SLCO3A1: variants seen among roughly 807,000 people sequenced by gnomAD.
SLCO3A1 encodes the protein PGE1 transporter.
Under a neutral mutation model 63.1 loss-of-function variants are expected in SLCO3A1, and 27 were observed. That is an observed-to-expected ratio of 0.43 (90% CI 0.32 to 0.59). The LOEUF (loss-of-function observed/expected upper bound fraction) is 0.59. SLCO3A1 is among the 20% of genes least tolerant of loss of function. The probability of loss-of-function intolerance (pLI) is 0.09; values close to 1 mark genes in which losing one functional copy is unlikely to be tolerated. For missense variants in SLCO3A1, 773 were observed against 945.8 expected, an observed-to-expected ratio of 0.82 and a Z score of 2.40; for synonymous variants, 473 against 409.9, an observed-to-expected ratio of 1.15 and a Z score of -1.86.
rs750316459 is a variant in SLCO3A1, at chr15:92,033,753, C to T, written c.647-61128C>T. 2.0e-5 allele frequency among the ~76,000 whole-genome samples: 3 copies of T among 151,998 alleles called. No individual in the cohort carries two copies. The highest frequency in any genetic ancestry group is 7.3e-5 in the African/African-American group (3 of 41,372). Reference sequence around the variant, plus strand: ...AGACGGGGATAGGAGTGTTGGGAGTCGTACAGTTTTAGTGTCAGAGGGGCA... The same window carrying T: ...AGACGGGGATAGGAGTGTTGGGAGTTGTACAGTTTTAGTGTCAGAGGGGCA... On this transcript the variant is annotated intron_variant, in intron 2 of 9. Coordinates refer to ENST00000318445, the MANE Select transcript of SLCO3A1 (RefSeq NM_013272.4). This position sits in a 1 kb window ranked among gnomAD's most constrained non-coding sequence, Gnocchi z 4.5.
intron 1 of SLCO3A1, among the ~76,000 whole-genome samples, chr15:91,880,401 C>CTGTGTGTGTGTGTGTGTGTGTG (rs796110200): frequency 7.5e-6 from 1 of 133,414 alleles, no homozygotes; most frequent in East Asian, 2.4e-4. Flanking sequence ...CTCTCTCTCT[C>CTGTGTGTGTGTGTGTGTGTGTG]TCTCTCTCTG....
chr15:91,982,113 C>T (rs2045995440), intron 2 of SLCO3A1, among the ~76,000 whole-genome samples: 2 of 152,396 alleles, frequency 1.3e-5, no homozygotes, highest in South Asian at 4.1e-4. Context: ...CAGGCAGCTG[C>T]CCAAAGAGCT....
At chr15:92,041,940 TG>T (rs1159311277) in intron 2 of SLCO3A1, among the ~76,000 whole-genome samples, 5 of 145,890 alleles carry the variant, frequency 3.4e-5, no homozygotes, top group Non-Finnish European at 7.5e-5. Flanking sequence ...GGAAGTATGG[TG>T]GGGGTGGGGT....
At chr15:92,070,712 A>G (rs974306856) in intron 2 of SLCO3A1, among the ~76,000 whole-genome samples, 2 of 150,646 alleles carry the variant, frequency 1.3e-5, no homozygotes, top group African/African-American at 2.5e-5. Context: ...TAACATAAGG[A>G]TGGAGGAGTG....
intron 1 of SLCO3A1, among the ~76,000 whole-genome samples, chr15:91,870,078 G>A (rs8028382): frequency 0.74 from 111,778 of 152,048 alleles, 42,057 homozygotes; most frequent in East Asian, 0.96. Context: ...GGATTGAGTG[G>A]GGAAGTTAGA....
At chr15:92,018,561 T>A (rs1178104751) in intron 2 of SLCO3A1, among the ~76,000 whole-genome samples, 1 of 152,194 alleles carries the variant, frequency 6.6e-6, no homozygotes, top group Non-Finnish European at 1.5e-5. Context: ...GAGCCAGGTT[T>A]CATTCAGTCC....
chr15:92,085,210 C>G (rs1311304449), intron 2 of SLCO3A1, among the ~76,000 whole-genome samples: 9 of 152,236 alleles, frequency 5.9e-5, no homozygotes, highest in Non-Finnish European at 5.9e-5. Flanking sequence ...GAATCCCACC[C>G]CACCTGCCCT....
intron 2 of SLCO3A1, among the ~76,000 whole-genome samples, chr15:92,034,787 G>A (rs1308288125): frequency 6.6e-6 from 1 of 151,956 alleles, no homozygotes; most frequent in African/African-American, 2.4e-5. Flanking sequence ...GTGGCTATGG[G>A]AACTGTCATT....
intron 2 of SLCO3A1, among the ~76,000 whole-genome samples, chr15:92,060,163 T>A (rs1295153348): frequency 6.6e-6 from 1 of 152,112 alleles, no homozygotes; most frequent in African/African-American, 2.4e-5. Context: ...GGTGAGTCAG[T>A]GAGTGAGTGG....
chr15:91,949,355 A>G (rs1899918300), intron 2 of SLCO3A1, among the ~76,000 whole-genome samples: 1 of 152,138 alleles, frequency 6.6e-6, no homozygotes, highest in African/African-American at 2.4e-5. Flanking sequence ...TGTGAGGAGT[A>G]AAAGAGTAAC....
At chr15:91,931,102 T>C (rs1336197442) in intron 2 of SLCO3A1, among the ~76,000 whole-genome samples, 1 of 152,218 alleles carries the variant, frequency 6.6e-6, no homozygotes, top group Non-Finnish European at 1.5e-5. Context: ...CAATTGTGAA[T>C]AATGACCAGT....
chr15:92,016,689 C>T (rs2046441928), intron 2 of SLCO3A1, among the ~76,000 whole-genome samples: 1 of 151,924 alleles, frequency 6.6e-6, no homozygotes, highest in Non-Finnish European at 1.5e-5. Context: ...GAATGAATTC[C>T]AGAGAGTTAT....
chr15:92,027,100 A>G (rs974883666), intron 2 of SLCO3A1, among the ~76,000 whole-genome samples: 1 of 152,148 alleles, frequency 6.6e-6, no homozygotes, highest in African/African-American at 2.4e-5. Context: ...CAAAAAAAAA[A>G]AAAAAGGGGG....
chr15:91,902,804 G>GGATT (rs1176063846), intron 1 of SLCO3A1, among the ~76,000 whole-genome samples: 1 of 152,110 alleles, frequency 6.6e-6, no homozygotes, highest in Non-Finnish European at 1.5e-5. Flanking sequence ...CTCTGGCACC[G>GGATT]GATTGCCTGG....
chr15:92,025,787 G>A (rs1181553848), intron 2 of SLCO3A1, among the ~76,000 whole-genome samples: 3 of 152,208 alleles, frequency 2.0e-5, no homozygotes, highest in Admixed American at 1.3e-4. Context: ...CCGGCCGTGA[G>A]TGGCTGCCAT....
At chr15:92,096,264 G>A (rs1436892085) in intron 3 of SLCO3A1, among the ~76,000 whole-genome samples, 1 of 152,176 alleles carries the variant, frequency 6.6e-6, no homozygotes, top group Non-Finnish European at 1.5e-5. Context: ...GAGAAGGTGA[G>A]AGAGAGCACC....
intron 2 of SLCO3A1, among the ~76,000 whole-genome samples, chr15:92,016,069 A>C (rs1225035752): frequency 6.6e-6 from 1 of 152,152 alleles, no homozygotes. Context: ...GCTAGACATT[A>C]TAGGGTTTTA....
intron 1 of SLCO3A1, among the ~76,000 whole-genome samples, chr15:91,904,083 G>A (rs1476865746): frequency 1.4e-5 from 2 of 140,220 alleles, no homozygotes; most frequent in Non-Finnish European, 3.1e-5. Flanking sequence ...TTTCCTGGGT[G>A]GAGGTGAGGT....
Position 91,905,426 on chromosome 15 carries a change from A to T in SLCO3A1, c.181-10567A>T, listed in dbSNP as rs116314040. Among the ~76,000 whole-genome samples the T allele has an allele frequency of 6.9e-3, 1,048 of 152,258 alleles. 8 individuals are homozygous for T. Among genetic ancestry groups the T allele is most frequent in the African/African-American group, 0.024 (993 of 41,544 alleles). On this transcript the variant is annotated intron_variant, in intron 1 of 9. Coordinates refer to ENST00000318445, the MANE Select transcript of SLCO3A1 (RefSeq NM_013272.4). The stretch of plus-strand genomic sequence containing the variant: ...TATGCAATCCTCTCATACACTTTAA[A>T]TCTTCTCTAGATTTCTTGTGATACC...
Sources: gnomAD v4.1 joint callset for allele counts (sites outside exome capture counted in the v4.1 genomes callset) on GRCh38, gnomAD v4.1.1 for gene constraint, Gnocchi (gnomAD v3.1) non-coding constraint, MANE v1.5 for transcripts, NCBI Gene and HGNC (gene_info 2026-07-23, HGNC 2026-07-21) for gene names.